Variants in MB21D2 observed in about 807,000 individuals in gnomAD.
MB21D2 encodes Mab-21 domain containing 2, also known as nucleotidyltransferase MB21D2.
MB21D2 carries 9 observed loss-of-function variants against 33.3 expected under a neutral mutation model. The ratio of observed to expected loss-of-function variants is 0.27; its 90% confidence interval spans 0.16 to 0.47. The LOEUF is 0.47. MB21D2 is among the 20% of genes least tolerant of loss of function. The probability of loss-of-function intolerance (pLI) is 0.99; values close to 1 mark genes in which losing one functional copy is unlikely to be tolerated. For synonymous variants in MB21D2, 241 were observed against 236.3 expected (o/e 1.02, Z -0.18); for missense variants, 540 against 624.6 (o/e 0.86, Z 1.44).
intron 1 of MB21D2, among the ~76,000 whole-genome samples, chr3:192,842,690 A>C (rs1348551800): frequency 6.6e-6 from 1 of 152,208 alleles, no homozygotes; most frequent in Non-Finnish European, 1.5e-5. Flanking sequence ...CCTGAAGAAC[A>C]ATATTAGTAT....
intron 1 of MB21D2, among the ~76,000 whole-genome samples, chr3:192,908,665 T>A (rs1714265180): frequency 6.6e-6 from 1 of 151,168 alleles, no homozygotes. Context: ...TGATCCGCCC[T>A]CCTCGGCCTC....
rs559401757 is a variant in MB21D2 at position 192,803,132 on chromosome 3, C to G, written c.212-3482G>C. Among the ~76,000 whole-genome samples, 4 of 152,264 alleles carry G rather than the reference C, an allele frequency of 2.6e-5. No homozygotes were observed. The South Asian group carries it at 8.3e-4, about 32-fold the overall frequency. On this transcript the variant is annotated intron_variant, in intron 1 of 1. Coordinates refer to ENST00000392452, the MANE Select transcript of MB21D2 (RefSeq NM_178496.4). The stretch of plus-strand genomic sequence containing the variant: ...TCTTGTTTGGAGAGTCTTGGGTAAG[C>G]CATAGCTAAAACTCCCTTCTGCCCT...
intron 1 of MB21D2, among the ~76,000 whole-genome samples, chr3:192,886,804 C>T (rs895105657): frequency 6.6e-6 from 1 of 152,102 alleles, no homozygotes; most frequent in African/African-American, 2.4e-5. Context: ...TTTCACAGTA[C>T]CTTTTTACCT....
intron 1 of MB21D2, among the ~76,000 whole-genome samples, chr3:192,866,927 G>T (rs541557804): frequency 6.6e-6 from 1 of 152,226 alleles, no homozygotes. Flanking sequence ...ATGAGGAAAA[G>T]AATGTAAATT....
intron 1 of MB21D2, among the ~76,000 whole-genome samples, chr3:192,849,316 T>G (rs866363110): frequency 7.5e-4 from 69 of 92,202 alleles, no homozygotes; most frequent in East Asian, 7.5e-4. Flanking sequence ...TCTCTTTTTT[T>G]GGGGGGGGGG....
chr3:192,915,028 G>A (rs1714431156), intron 1 of MB21D2, among the ~76,000 whole-genome samples: 3 of 152,176 alleles, frequency 2.0e-5, no homozygotes, highest in African/African-American at 4.8e-5. Context: ...TGAAACATGA[G>A]GCAGTATTTT....
In MB21D2 at chr3:192,909,936, C is replaced by CAAA. The variant is rs61613458; in HGVS notation, c.211+7691_211+7693dup. ...TGAGTGACAGAGCAAGACTCTGTCT[C>CAAA]AAAAAAAAAAAAAAAAAAAAAAAAA... On this transcript the variant is annotated intron_variant, in intron 1 of 1. Coordinates refer to ENST00000392452, the MANE Select transcript of MB21D2 (RefSeq NM_178496.4). Among the ~76,000 whole-genome samples, 12 of 52,812 alleles carry CAAA rather than the reference C, an allele frequency of 2.3e-4. 1 individual carries two copies. Among genetic ancestry groups the CAAA allele is most frequent in the South Asian group, 1.0e-3 (1 of 956 alleles). 34.6% of individuals were successfully genotyped at this position (52,812 alleles called of 152,430 possible).
intron 1 of MB21D2, among the ~76,000 whole-genome samples, chr3:192,896,815 G>A (rs142785058): frequency 1.6e-4 from 25 of 152,298 alleles, no homozygotes; most frequent in East Asian, 3.9e-4. Context: ...AAGTTCCAGC[G>A]TTGGTGTGTC....
intron 1 of MB21D2, among the ~76,000 whole-genome samples, chr3:192,878,495 T>C (rs1469065271): frequency 6.6e-6 from 1 of 152,276 alleles, no homozygotes; most frequent in Non-Finnish European, 1.5e-5. Flanking sequence ...TCTTCTGGTC[T>C]AGTTTGCCCT....
chr3:192,846,085 T>A (rs957177971), intron 1 of MB21D2, among the ~76,000 whole-genome samples: 1 of 152,012 alleles, frequency 6.6e-6, no homozygotes, highest in African/African-American at 2.4e-5. Flanking sequence ...ACTATATATA[T>A]GAAATAAAAT....
chr3:192,843,051 T>C (rs1361313761), intron 1 of MB21D2, among the ~76,000 whole-genome samples: 1 of 152,126 alleles, frequency 6.6e-6, no homozygotes, highest in Non-Finnish European at 1.5e-5. Flanking sequence ...TTAGAATGCA[T>C]GGGAGGTCTT....
At chr3:192,916,097 T>TG (rs1428311821) in intron 1 of MB21D2, among the ~76,000 whole-genome samples, 1 of 116,654 alleles carries the variant, frequency 8.6e-6, no homozygotes, top group Admixed American at 1.0e-4. Context: ...CCTACCAGGT[T>TG]TTATATATAT....
rs186838840 is a variant in MB21D2, at chr3:192,798,670, G to A, written c.1192C>T (p.Arg398Trp). 7 of 1,613,332 alleles carry A rather than the reference G, an allele frequency of 4.3e-6. No individual in the cohort carries two copies. The highest frequency in any genetic ancestry group is 1.1e-5 in the South Asian group (1 of 91,076). The change falls in exon 2 of 2, where the codon CGG becomes TGG. Residue 398 changes from arginine (R) to tryptophan (W), a missense_variant. By Grantham distance (101) the Arg-to-Trp change is moderately radical (BLOSUM62 -3). Coordinates refer to ENST00000392452, the MANE Select transcript of MB21D2 (RefSeq NM_178496.4). The surrounding 1 kb of genome is among the most constrained non-coding windows in gnomAD (Gnocchi z 4.8). ...TCTGAGCGCACAGAGGACAGCTTCC[G>A]GGCGTGAAGCATGACTGTCTCCTCA... ...LSEETVMLHARKLSSVRSDPA... is the reference protein window; with the variant it reads ...LSEETVMLHAWKLSSVRSDPA...
At chr3:192,835,850 A>C (rs189967765) in intron 1 of MB21D2, among the ~76,000 whole-genome samples, 4 of 152,186 alleles carry the variant, frequency 2.6e-5, no homozygotes, top group Admixed American at 1.3e-4. Context: ...GGGGAAAAAA[A>C]AAAAAAAGGC....
chr3:192,889,214 G>GTTCTCTATTAAGATGGT (rs558159529), intron 1 of MB21D2, among the ~76,000 whole-genome samples: 1 of 152,198 alleles, frequency 6.6e-6, no homozygotes, highest in Admixed American at 6.5e-5. Flanking sequence ...GGGTTAAGGA[G>GTTCTCTATTAAGATGGT]TTCTCTATTA....
intron 1 of MB21D2, among the ~76,000 whole-genome samples, chr3:192,906,817 G>A (rs1714224892): frequency 6.6e-6 from 1 of 152,208 alleles, no homozygotes; most frequent in African/African-American, 2.4e-5. Flanking sequence ...GCACATGGCA[G>A]GCATGCCAAC....
At position 192,799,734 on chromosome 3, in the gene MB21D2, T is replaced by G; in HGVS notation, c.212-84A>C. 1 of 1,407,446 alleles carries G rather than the reference T, an allele frequency of 7.1e-7. No individual in the cohort carries two copies. The highest frequency in any genetic ancestry group is 9.4e-7 in the Non-Finnish European group (1 of 1,060,320). The allele number at this position is 1,407,446 out of a possible 1,614,324, so 87.2% of individuals were successfully genotyped here. A position where few individuals can be genotyped will look rare whatever the true frequency, so the allele number is the denominator to read the frequency against. ...ATGCATGAAACAGAATGCTCTGATG[T>G]TCCAAGAACCAAAACTCATTATCAG... On this transcript the variant is annotated intron_variant, in intron 1 of 1. Transcript: ENST00000392452. The surrounding 1 kb of genome is among the most constrained non-coding windows in gnomAD (Gnocchi z 4.1).
chr3:192,854,098 G>A (rs1438497559), intron 1 of MB21D2, among the ~76,000 whole-genome samples: 16 of 152,296 alleles, frequency 1.1e-4, no homozygotes, highest in Non-Finnish European at 2.4e-4. Flanking sequence ...AGAGACACAT[G>A]TCCTTCACCC....
chr3:192,857,950 C>A (rs1026072886), intron 1 of MB21D2, among the ~76,000 whole-genome samples: 2 of 152,012 alleles, frequency 1.3e-5, no homozygotes, highest in African/African-American at 4.8e-5. Context: ...CATGGAGAAA[C>A]CCTATCTCTA....
Sources: allele counts gnomAD v4.1 joint callset (sites outside exome capture counted in the v4.1 genomes callset), GRCh38; gene constraint gnomAD v4.1.1; non-coding constraint Gnocchi (gnomAD v3.1); transcripts MANE v1.5; gene names NCBI Gene and HGNC (gene_info 2026-07-23, HGNC 2026-07-21).